CD300LD: variants seen among roughly 807,000 people sequenced by gnomAD.
The protein encoded by CD300LD is CMRF35-like molecule 5.
A neutral mutation model predicts 20.3 loss-of-function variants in CD300LD; 18 were observed. That is an observed-to-expected ratio of 0.89 (90% CI 0.61 to 1.32). CD300LD has a LOEUF of 1.32. CD300LD is among the 40% of genes most tolerant of loss of function. The probability of loss-of-function intolerance (pLI) is 0.00; values close to 1 mark genes in which losing one functional copy is unlikely to be tolerated. For missense variants in CD300LD, 195 were observed against 226.6 expected, an observed-to-expected ratio of 0.86 and a Z score of 0.90; for synonymous variants, 104 against 90.1, an observed-to-expected ratio of 1.15 and a Z score of -0.87.
At chr17:74,587,605 T>A (rs1037327901) in intron 2 of CD300LD, among the ~76,000 whole-genome samples, 1 of 152,248 alleles carries the variant, frequency 6.6e-6, no homozygotes, top group Non-Finnish European at 1.5e-5. Flanking sequence ...ATCTGTGTTC[T>A]GATGTTTGCT....
At position 74,582,342 on chromosome 17, in the gene CD300LD, C is replaced by A. The variant is rs372281617; in HGVS notation, c.380-31G>T. On this transcript the variant is annotated intron_variant, in intron 2 of 3. Transcript: ENST00000375352. ...CATACAAAGCAGAACACGGTTCACC[C>A]CTTCCATGGATGGCCCAGCTCTGGC... 127 of 1,589,194 alleles carry A rather than the reference C, an allele frequency of 8.0e-5. No individual in the cohort carries two copies. In the Admixed American group the frequency reaches 8.9e-4, roughly 11 times the overall value.
At chr17:74,590,457 A>T (rs978320872) in intron 1 of CD300LD, 5 of 152,010 alleles carry the variant, frequency 3.3e-5, no homozygotes, top group African/African-American at 1.2e-4. Flanking sequence ...TATTATTATT[A>T]TTATTATTAC....
intron 3 of CD300LD, among the ~76,000 whole-genome samples, chr17:74,580,689 C>T (rs2030013083): frequency 1.3e-5 from 2 of 152,130 alleles, no homozygotes; most frequent in African/African-American, 4.8e-5. Context: ...ACCCACTTCC[C>T]AGGGTCTCGA....
Position 74,582,263 on chromosome 17 carries a change from G to T in CD300LD, c.428C>A (p.Ala143Asp), listed in dbSNP as rs770594025. The change falls in exon 3 of 4, where the codon GCT becomes GAT. Residue 143 changes from alanine to aspartate, a missense_variant. Physicochemically the swap from Ala to Asp is moderately radical, Grantham distance 126 (BLOSUM62 -2). Transcript: ENST00000375352. The stretch of plus-strand genomic sequence containing the variant: ...CTTCTGGGTGGCTGCAGCTGTGAAA[G>T]CCAGGCTTGCTGTTGTGGTTGTCCA... ...SEWTTTTASL[A>D]FTAAATQKTS... 5 of 1,613,886 alleles carry T rather than the reference G, an allele frequency of 3.1e-6. No individual in the cohort carries two copies. The South Asian group carries it at 5.5e-5, about 18-fold the overall frequency.
In CD300LD at chr17:74,588,510, C is replaced by T; in HGVS notation, c.379+1G>A. 6.2e-7 allele frequency: 1 copy of T among 1,600,688 alleles called. No homozygotes were observed. On this transcript the variant is annotated splice_donor_variant, in intron 2 of 3. Coordinates refer to ENST00000375352, the MANE Select transcript of CD300LD (RefSeq NM_001115152.2). LOFTEE classifies it high-confidence loss of function. ...ACACACGTATATACACTCCCTCTTA[C>T]CTGGGTTAATGGTCACTTGAACTTT...
At chr17:74,588,890 A>T (rs1019978456) in intron 1 of CD300LD, 41 bp from the exon 2 acceptor site, 2 of 1,466,376 alleles carry the variant, frequency 1.4e-6, no homozygotes, top group African/African-American at 2.8e-5. Flanking sequence ...TCCCACCCCA[A>T]GGGCAGGGCC....
chr17:74,582,169 G>A (rs774166267), intron 3 of CD300LD, 49 bp downstream of exon 3: 1 of 1,494,114 alleles, frequency 6.7e-7, no homozygotes, highest in African/African-American at 1.4e-5. Flanking sequence ...TAGAGGAGAG[G>A]CCATGGGGCC....
intron 1 of CD300LD, among the ~76,000 whole-genome samples, chr17:74,590,986 G>T (rs1264729469): frequency 6.6e-6 from 1 of 152,068 alleles, no homozygotes; most frequent in Non-Finnish European, 1.5e-5. Flanking sequence ...GAGGTGGGAG[G>T]ATGGCTTGAG....
intron 2 of CD300LD, 132 bp downstream of exon 2, chr17:74,588,379 G>C (rs577046647): frequency 1.6e-6 from 1 of 612,474 alleles, no homozygotes; most frequent in Non-Finnish European, 2.9e-6. Context: ...TCAAACCATA[G>C]CAAGACCTCA....
intron 2 of CD300LD, among the ~76,000 whole-genome samples, chr17:74,586,967 T>C (rs962610424): frequency 1.3e-5 from 2 of 152,102 alleles, no homozygotes; most frequent in African/African-American, 4.8e-5. Context: ...CTGACCAACA[T>C]GGAGAAACCC....
intron 3 of CD300LD, among the ~76,000 whole-genome samples, chr17:74,581,020 A>G (rs1598126403): frequency 6.6e-6 from 1 of 152,046 alleles, no homozygotes; most frequent in Non-Finnish European, 1.5e-5. Flanking sequence ...GAGGGGCTAT[A>G]CAGCAGGCCA....
chr17:74,582,070 G>A, intron 3 of CD300LD, 148 bp downstream of exon 3: 2 of 569,992 alleles, frequency 3.5e-6, no homozygotes, highest in Non-Finnish European at 6.2e-6. Flanking sequence ...TGAAATAGTT[G>A]GGATATACTT....
chr17:74,584,065 AT>A (rs1392641140), intron 2 of CD300LD, among the ~76,000 whole-genome samples: 2 of 152,130 alleles, frequency 1.3e-5, no homozygotes, highest in Non-Finnish European at 2.9e-5. Context: ...TGTATTTCAC[AT>A]TTTTAAAAAA....
chr17:74,578,764 T>C (rs1313789188), downstream of CD300LD, among the ~76,000 whole-genome samples: 1 of 152,164 alleles, frequency 6.6e-6, no homozygotes, highest in Admixed American at 6.5e-5. Flanking sequence ...CTGGTTCATG[T>C]TCCCAGAAGG....
chr17:74,584,205 G>A (rs903930707), intron 2 of CD300LD, among the ~76,000 whole-genome samples: 2 of 152,130 alleles, frequency 1.3e-5, no homozygotes, highest in African/African-American at 4.8e-5. Flanking sequence ...GTGCTGAGGG[G>A]CTGGATCATC....
chr17:74,591,954 G>T, intron 1 of CD300LD: 2 of 1,419,696 alleles, frequency 1.4e-6, no homozygotes, highest in Non-Finnish European at 1.9e-6. Context: ...AGCTATACTT[G>T]TTTTGTTTTG....
At position 74,591,865 on chromosome 17, in the gene CD300LD, G is replaced by C. The variant is rs139236578; in HGVS notation, c.40+298C>G. On this transcript the variant is annotated intron_variant, in intron 1 of 3. Transcript: ENST00000375352. ...TCTTCAAGAATGGACTCACTCATTA[G>C]TTCCTTCCTTCATTGATATCTGTTC... 1.4e-3 allele frequency: 630 copies of C among 438,216 alleles called. 2 individuals carry two copies. The highest frequency in any genetic ancestry group is 0.012 in the African/African-American group (606 of 48,852). The allele number at this position is 438,216 out of a possible 1,614,324, so 27.1% of individuals were successfully genotyped here.
At chr17:74,578,874 C>A (rs2029972918), downstream of CD300LD, among the ~76,000 whole-genome samples, 1 of 152,162 alleles carries the variant, frequency 6.6e-6, no homozygotes, top group African/African-American at 2.4e-5. Flanking sequence ...CCTGGGGACC[C>A]AGGCAGGCGG....
chr17:74,582,125 TG>T, intron 3 of CD300LD, 92 bp downstream of exon 3: 1 of 908,596 alleles, frequency 1.1e-6, no homozygotes. Context: ...GCAGTGTAAC[TG>T]GGCATGCTAT....
Sources: gnomAD v4.1 joint callset for allele counts (sites outside exome capture counted in the v4.1 genomes callset) on GRCh38, gnomAD v4.1.1 for gene constraint, MANE v1.5 for transcripts, NCBI Gene and HGNC (gene_info 2026-07-23, HGNC 2026-07-21) for gene names.